EPB41L3: variants seen among roughly 807,000 people sequenced by gnomAD.
EPB41L3 encodes the protein erythrocyte membrane protein band 4.1 like 3, also known as band 4.1-like protein 3.
In EPB41L3, 57 loss-of-function variants were observed where a neutral mutation model predicts 127.1. The observed-to-expected ratio is 0.45, with a 90% CI of 0.36 to 0.56. The LOEUF is 0.56. Ranked by LOEUF, EPB41L3 falls within the 20% of genes least tolerant of loss-of-function variation. The pLI is 0.00. For missense variants in EPB41L3, 1,273 were observed against 1,372.2 expected (o/e 0.93, Z 1.14); for synonymous variants, 572 against 549.5 (o/e 1.04, Z -0.57).
At chr18:5,401,415 A>G (rs1184554795) in intron 16 of EPB41L3, among the ~76,000 whole-genome samples, 1 of 152,188 alleles carries the variant, frequency 6.6e-6, no homozygotes, top group Non-Finnish European at 1.5e-5. Flanking sequence ...GTGGGTATTT[A>G]AAATAAAACA....
At chr18:5,625,360 C>T (rs1051852655) in intron 1 of EPB41L3, among the ~76,000 whole-genome samples, 1 of 152,024 alleles carries the variant, frequency 6.6e-6, no homozygotes, top group Admixed American at 6.5e-5. Flanking sequence ...GTTACCACCA[C>T]ACCACGGGGA....
chr18:5,558,204 C>G (rs1231667300), intron 3 of EPB41L3, among the ~76,000 whole-genome samples: 1 of 152,188 alleles, frequency 6.6e-6, no homozygotes, highest in Non-Finnish European at 1.5e-5. Flanking sequence ...TGGATTTTTA[C>G]TTGCCAGAAG....
chr18:5,462,147 C>A (rs1256974713), intron 3 of EPB41L3, among the ~76,000 whole-genome samples: 1 of 152,072 alleles, frequency 6.6e-6, no homozygotes. Flanking sequence ...AATAATGGTA[C>A]CTTAAAAATC....
At chr18:5,491,355 C>T (rs960552479) in intron 1 of EPB41L3, among the ~76,000 whole-genome samples, 7 of 152,186 alleles carry the variant, frequency 4.6e-5, no homozygotes, top group African/African-American at 7.2e-5. Context: ...AGCTTGTGTT[C>T]ATTTGCTCAG....
At chr18:5,441,626 C>T (rs901194840) in intron 5 of EPB41L3, among the ~76,000 whole-genome samples, 53 of 152,050 alleles carry the variant, frequency 3.5e-4, no homozygotes, top group African/African-American at 3.9e-4. Context: ...CCACCATGCC[C>T]GGCTAATTTT....
At chr18:5,582,991 G>A (rs2094408475) in intron 3 of EPB41L3, among the ~76,000 whole-genome samples, 1 of 152,196 alleles carries the variant, frequency 6.6e-6, no homozygotes, top group South Asian at 2.1e-4. Context: ...AAGGGACCCT[G>A]CGGATGAATC....
chr18:5,468,535 T>A (rs1200925133), intron 3 of EPB41L3, among the ~76,000 whole-genome samples: 1 of 152,322 alleles, frequency 6.6e-6, no homozygotes, highest in East Asian at 1.9e-4. Context: ...GGACAGGAGC[T>A]GCCCATGGCA....
chr18:5,626,591 A>G (rs1170244233), intron 1 of EPB41L3, among the ~76,000 whole-genome samples: 2 of 152,224 alleles, frequency 1.3e-5, no homozygotes, highest in African/African-American at 4.8e-5. Context: ...CCCATGTGCT[A>G]GGTCTCACAC....
intron 3 of EPB41L3, among the ~76,000 whole-genome samples, chr18:5,471,909 C>G (rs1383899652): frequency 6.6e-6 from 1 of 152,130 alleles, no homozygotes; most frequent in Non-Finnish European, 1.5e-5. Context: ...AAAAGAATGC[C>G]TTAGTGGATT....
At chr18:5,450,100 C>T (rs1002836432) in intron 3 of EPB41L3, among the ~76,000 whole-genome samples, 7 of 151,564 alleles carry the variant, frequency 4.6e-5, no homozygotes, top group African/African-American at 1.7e-4. Context: ...GACTACTGTA[C>T]ATATCATCCT....
At chr18:5,402,053 C>T (rs2074574924) in intron 16 of EPB41L3, among the ~76,000 whole-genome samples, 2 of 151,630 alleles carry the variant, frequency 1.3e-5, no homozygotes, top group South Asian at 4.1e-4. Context: ...CATTTGTTTG[C>T]AAGAGATTGT....
At chr18:5,561,368 A>AGG (rs1181693835) in intron 3 of EPB41L3, among the ~76,000 whole-genome samples, 1 of 152,166 alleles carries the variant, frequency 6.6e-6, no homozygotes, top group Non-Finnish European at 1.5e-5. Flanking sequence ...AAAAGGGGAC[A>AGG]GGGGGATATA....
intron 1 of EPB41L3, among the ~76,000 whole-genome samples, chr18:5,499,869 T>C (rs1478167003): frequency 2.2e-5 from 3 of 135,834 alleles, no homozygotes; most frequent in African/African-American, 8.4e-5. Flanking sequence ...CACTAGTGTC[T>C]TCCTTTGCTG....
chr18:5,484,726 G>C (rs1417425351), intron 2 of EPB41L3, among the ~76,000 whole-genome samples: 3 of 151,862 alleles, frequency 2.0e-5, no homozygotes, highest in African/African-American at 7.2e-5. Context: ...GCAACAGATT[G>C]GAAAACCCAG....
At chr18:5,593,731 T>C (rs972981788) in intron 3 of EPB41L3, among the ~76,000 whole-genome samples, 5 of 152,118 alleles carry the variant, frequency 3.3e-5, no homozygotes, top group African/African-American at 1.2e-4. Flanking sequence ...GTCTCAACCA[T>C]AGAAAATGGC....
chr18:5,424,862 T>C (rs776607568), intron 9 of EPB41L3, among the ~76,000 whole-genome samples: 7 of 152,176 alleles, frequency 4.6e-5, no homozygotes, highest in Non-Finnish European at 7.3e-5. Flanking sequence ...GTGTCAGAGA[T>C]TGCTGATTTT....
intron 1 of EPB41L3, among the ~76,000 whole-genome samples, chr18:5,523,210 A>T (rs2093069874): frequency 6.6e-6 from 1 of 152,198 alleles, no homozygotes; most frequent in African/African-American, 2.4e-5. Flanking sequence ...GAATTATTGA[A>T]CATCAAATGA....
At chr18:5,429,447 C>T (rs1392449755) in intron 8 of EPB41L3, 1 of 152,178 alleles carries the variant, frequency 6.6e-6, no homozygotes, top group Admixed American at 6.5e-5. Context: ...AGACAGGACA[C>T]AGGCAGGATT....
rs911896658 is a variant in EPB41L3 at position 5,543,030 on chromosome 18, C to T, written c.-12+883G>A. 6.6e-6 allele frequency among the ~76,000 whole-genome samples: 1 copy of T among 152,096 alleles called. No homozygotes were observed. Among genetic ancestry groups the T allele is most frequent in the African/African-American group, 2.4e-5 (1 of 41,436 alleles). On this transcript the variant is annotated intron_variant, in intron 1 of 22. Transcript: ENST00000341928. This position sits in a 1 kb window ranked among gnomAD's most constrained non-coding sequence, Gnocchi z 5.2. ...CAGAGCCGCCTTCGCAGACACCTCC[C>T]GAGGAGAATCGCGGCCCCGAGGGCG...
Sources: gnomAD v4.1 joint callset for allele counts (sites outside exome capture counted in the v4.1 genomes callset) on GRCh38, gnomAD v4.1.1 for gene constraint, Gnocchi (gnomAD v3.1) non-coding constraint, MANE v1.5 for transcripts, NCBI Gene and HGNC (gene_info 2026-07-23, HGNC 2026-07-21) for gene names.